The following DPH6 variants were observed in gnomAD, a reference collection of about 807,000 sequenced individuals.
The protein encoded by DPH6 is diphthine--ammonia ligase.
A neutral mutation model predicts 38.2 loss-of-function variants in DPH6; 33 were observed. The ratio of observed to expected loss-of-function variants is 0.86; its 90% confidence interval spans 0.65 to 1.15. The LOEUF is 1.15. DPH6 is among the 50% of genes most tolerant of loss of function. The probability of loss-of-function intolerance (pLI) is 0.00; values close to 1 mark genes in which losing one functional copy is unlikely to be tolerated. For missense variants in DPH6, 325 were observed against 320.0 expected (o/e 1.02, Z -0.12); for synonymous variants, 108 against 103.0 (o/e 1.05, Z -0.30).
At chr15:35,516,723 A>AT (rs1421648197) in intron 3 of DPH6, among the ~76,000 whole-genome samples, 1 of 152,126 alleles carries the variant, frequency 6.6e-6, no homozygotes, top group Non-Finnish European at 1.5e-5. Context: ...CCAGGCAATC[A>AT]TTTTTTTGGT....
chr15:35,366,609 T>C (rs1395379900), downstream of DPH6, among the ~76,000 whole-genome samples: 3 of 152,110 alleles, frequency 2.0e-5, no homozygotes, highest in African/African-American at 4.8e-5. Context: ...GAATCCAATA[T>C]GATCAGTCTG....
rs774407545 is a variant in DPH6 at position 35,522,252 on chromosome 15, A to G, written c.312+16022T>C. ...CTTGGAGATTCAGAGCATCATATTC[A>G]GCAAGCAAGGTCATTCTAGTGATGC... On this transcript the variant is annotated intron_variant, in intron 3 of 8. Coordinates refer to ENST00000256538, the MANE Select transcript of DPH6 (RefSeq NM_080650.4). 8 of 1,613,282 alleles carry G rather than the reference A, an allele frequency of 5.0e-6. No individual in the cohort carries two copies. The Admixed American group carries it at 1.3e-4, about 27-fold the overall frequency.
rs1052832709 is a variant in DPH6 at position 35,455,134 on chromosome 15, C to T, written c.313-314G>A. On this transcript the variant is annotated intron_variant, in intron 3 of 8. Coordinates refer to ENST00000256538, the MANE Select transcript of DPH6 (RefSeq NM_080650.4). ...GTATTTTTAAAGACTCACTGATGTT[C>T]GATGGAAACTTTTGAGAAATTTCTA... Among the ~76,000 whole-genome samples, 19 of 152,180 alleles carry T rather than the reference C, an allele frequency of 1.2e-4. 1 individual carries two copies. In the South Asian group the frequency reaches 3.9e-3, roughly 32 times the overall value.
chr15:35,299,494 T>C (rs889693312), intron 3 of DPH6: 14 of 737,868 alleles, frequency 1.9e-5, no homozygotes, highest in Non-Finnish European at 3.5e-5. Flanking sequence ...TGGGCCGCGG[T>C]GGCGGCAGCG....
chr15:35,348,092 G>C (rs2052478028), intron 3 of DPH6, among the ~76,000 whole-genome samples: 2 of 152,014 alleles, frequency 1.3e-5, no homozygotes, highest in African/African-American at 4.8e-5. Flanking sequence ...TCTGTATTTG[G>C]TTTCCCAAAC....
the DPH6 span, among the ~76,000 whole-genome samples, chr15:35,155,169 T>C: frequency 7.3e-4 from 111 of 152,260 alleles, no homozygotes; most frequent in African/African-American, 2.6e-3. Context: ...CAGTGCACAT[T>C]GCCCGATCTT....
intron 3 of DPH6, among the ~76,000 whole-genome samples, chr15:35,262,357 A>G (rs2051752532): frequency 6.6e-6 from 1 of 152,190 alleles, no homozygotes; most frequent in African/African-American, 2.4e-5. Context: ...CATTTAATTC[A>G]TATTTACTAA....
chr15:35,450,622 T>C, intron 5 of DPH6, 63 bp downstream of exon 5: 1 of 1,297,746 alleles, frequency 7.7e-7, no homozygotes, highest in Non-Finnish European at 1.1e-6. Flanking sequence ...TTTAACTACT[T>C]ATTAGTGAAC....
At chr15:35,395,557 G>A (rs2053120644) in intron 6 of DPH6, among the ~76,000 whole-genome samples, 1 of 152,030 alleles carries the variant, frequency 6.6e-6, no homozygotes, top group Non-Finnish European at 1.5e-5. Flanking sequence ...TTTCTTTGTT[G>A]TCCTTGAATG....
chr15:35,394,230 C>T (rs997230003), intron 6 of DPH6, among the ~76,000 whole-genome samples: 1 of 152,110 alleles, frequency 6.6e-6, no homozygotes, highest in East Asian at 1.9e-4. Context: ...AATACTATCA[C>T]TACTAATTAA....
At position 35,298,680 on chromosome 15, in the gene DPH6, C is replaced by T. The variant is rs1357970846; in HGVS notation, n.200+74841G>A. ...GAAAAGGCGGTGCTCAGCCCCTGCT[C>T]ATGCTTCCCCAGACCCTGGCCCTCC... On this transcript the variant is annotated intron_variant and non_coding_transcript_variant, in intron 3 of 3. Transcript: ENST00000560386. 3 of 1,548,468 alleles carry T rather than the reference C, an allele frequency of 1.9e-6. No individual in the cohort carries two copies. The African/African-American group carries it at 4.1e-5, about 21-fold the overall frequency.
chr15:35,475,522 T>C lies in DPH6; in HGVS notation c.313-20702A>G, dbSNP rs1015062711. On this transcript the variant is annotated intron_variant, in intron 3 of 8. Coordinates refer to ENST00000256538, the MANE Select transcript of DPH6 (RefSeq NM_080650.4). ...ATCCGGTGACCATTAAAGAAACTGCTATGCTATTGTGGAAACATTGGTTAA... is the reference window on the plus strand; with the variant it reads ...ATCCGGTGACCATTAAAGAAACTGCCATGCTATTGTGGAAACATTGGTTAA... 6.6e-5 allele frequency among the ~76,000 whole-genome samples: 10 copies of C among 152,090 alleles called. No individual in the cohort carries two copies. The South Asian group carries it at 1.7e-3, about 25-fold the overall frequency.
In DPH6 at chr15:35,371,906, AG is replaced by A. The variant is rs1335933027; in HGVS notation, c.*243del. The stretch of plus-strand genomic sequence containing the variant: ...TGAAATAAAAGAAAAAAAAGGTCAT[AG>A]GGAAGATGTGTTAACGAAAGAGAAA... On this transcript the variant is annotated 3_prime_UTR_variant, in exon 9 of 9. Coordinates refer to ENST00000256538, the MANE Select transcript of DPH6 (RefSeq NM_080650.4). The A allele has an allele frequency of 8.4e-7, 1 of 1,189,364 alleles. No individual in the cohort carries two copies. The highest frequency in any genetic ancestry group is 1.0e-6 in the Non-Finnish European group (1 of 953,852). The allele number at this position is 1,189,364 out of a possible 1,614,324, so 73.7% of individuals were successfully genotyped here. A position where few individuals can be genotyped will look rare whatever the true frequency, so the allele number is the denominator to read the frequency against.
At chr15:35,539,405 G>T (rs1316100148) in intron 2 of DPH6, among the ~76,000 whole-genome samples, 1 of 151,990 alleles carries the variant, frequency 6.6e-6, no homozygotes, top group Non-Finnish European at 1.5e-5. Flanking sequence ...ATAGGTATCG[G>T]ATGATAAAAA....
chr15:35,510,118 T>C (rs559771524), intron 3 of DPH6, among the ~76,000 whole-genome samples: 2 of 152,232 alleles, frequency 1.3e-5, no homozygotes, highest in East Asian at 3.9e-4. Flanking sequence ...CAGGATGCTG[T>C]GGTGGGAGGA....
chr15:35,491,240 T>C (rs929272266), intron 3 of DPH6, among the ~76,000 whole-genome samples: 12 of 151,324 alleles, frequency 7.9e-5, no homozygotes, highest in Admixed American at 2.0e-4. Flanking sequence ...AGTAAAAAAT[T>C]ATACAATAAG....
intron 3 of DPH6, among the ~76,000 whole-genome samples, chr15:35,352,553 A>G (rs1364932114): frequency 6.6e-6 from 1 of 152,116 alleles, no homozygotes; most frequent in Non-Finnish European, 1.5e-5. Flanking sequence ...TCCTTGCGAT[A>G]GTTTGCTGAG....
At chr15:35,513,500 CA>C (rs1318589966) in intron 3 of DPH6, among the ~76,000 whole-genome samples, 4 of 151,934 alleles carry the variant, frequency 2.6e-5, no homozygotes, top group African/African-American at 7.2e-5. Context: ...GTAGAGAAGT[CA>C]GCTCTATTAT....
At position 35,448,194 on chromosome 15, in the gene DPH6, T is replaced by C. The variant is rs187687560; in HGVS notation, c.505+2491A>G. 1.7e-4 allele frequency among the ~76,000 whole-genome samples: 26 copies of C among 152,276 alleles called. No individual in the cohort carries two copies. In the East Asian group the frequency reaches 4.4e-3, roughly 26 times the overall value. On this transcript the variant is annotated intron_variant, in intron 5 of 8. Transcript: ENST00000256538. ...TAGTGATTTTTTGTTTCTTTGTTTG[T>C]TTTTTGCCATGAGGTCTATAATTAT...
Sources: allele counts gnomAD v4.1 joint callset (sites outside exome capture counted in the v4.1 genomes callset), GRCh38; gene constraint gnomAD v4.1.1; transcripts MANE v1.5; gene names NCBI Gene and HGNC (gene_info 2026-07-23, HGNC 2026-07-21).